RANBP10: variants seen among roughly 807,000 people sequenced by gnomAD.
The protein encoded by RANBP10 is ran-binding protein 10.
RANBP10 carries 24 observed loss-of-function variants against 72.8 expected under a neutral mutation model. The observed-to-expected ratio is 0.33, with a 90% CI of 0.24 to 0.46. RANBP10 has a LOEUF of 0.46. Ranked by LOEUF, RANBP10 falls within the 20% of genes least tolerant of loss-of-function variation. The pLI, the probability that RANBP10 is intolerant of heterozygous loss-of-function variation, is 1.00. For missense variants in RANBP10, 679 were observed against 817.5 expected, an observed-to-expected ratio of 0.83 and a Z score of 2.07; for synonymous variants, 310 against 322.3, an observed-to-expected ratio of 0.96 and a Z score of 0.41.
intron 2 of RANBP10, among the ~76,000 whole-genome samples, chr16:67,782,792 T>C (rs968582170): frequency 6.6e-6 from 1 of 152,224 alleles, no homozygotes; most frequent in African/African-American, 2.4e-5. Flanking sequence ...AAGCCACTTT[T>C]AAGAGCCATC....
At chr16:67,736,098 C>A (rs574390333) in intron 5 of RANBP10, among the ~76,000 whole-genome samples, 3 of 152,116 alleles carry the variant, frequency 2.0e-5, no homozygotes, top group Non-Finnish European at 4.4e-5. Context: ...TGCAGATGGT[C>A]TTCCCAGGGC....
chr16:67,764,456 G>GA (rs2054459113), intron 3 of RANBP10, among the ~76,000 whole-genome samples: 1 of 151,972 alleles, frequency 6.6e-6, no homozygotes, highest in Non-Finnish European at 1.5e-5. Context: ...CCAGAACAGA[G>GA]AAAAAAATAG....
chr16:67,787,136 G>T (rs771589896), intron 2 of RANBP10, among the ~76,000 whole-genome samples: 5 of 152,130 alleles, frequency 3.3e-5, no homozygotes, highest in Non-Finnish European at 1.5e-5. Context: ...CTACTCAGGA[G>T]GCTGAGGTGG....
chr16:67,736,120 C>G (rs1419260932), intron 5 of RANBP10, among the ~76,000 whole-genome samples: 1 of 152,098 alleles, frequency 6.6e-6, no homozygotes, highest in Non-Finnish European at 1.5e-5. Context: ...CTCAGTCCAC[C>G]CTTCACCTCC....
At chr16:67,758,685 T>C (rs762597979) in intron 3 of RANBP10, among the ~76,000 whole-genome samples, 10 of 152,250 alleles carry the variant, frequency 6.6e-5, no homozygotes, top group Admixed American at 1.3e-4. Context: ...GTTTCAGAAC[T>C]GGCCCTCTGC....
intron 3 of RANBP10, among the ~76,000 whole-genome samples, chr16:67,745,077 G>A (rs901237165): frequency 2.0e-4 from 30 of 151,890 alleles, no homozygotes; most frequent in African/African-American, 6.5e-4. Flanking sequence ...TGATCCGCCC[G>A]CCTCAGCCTC....
intron 2 of RANBP10, among the ~76,000 whole-genome samples, chr16:67,784,976 G>A (rs569041113): frequency 1.3e-5 from 2 of 151,688 alleles, no homozygotes; most frequent in South Asian, 2.1e-4. Flanking sequence ...TTGGGAGGCC[G>A]AGGCGGGCAG....
intron 3 of RANBP10, among the ~76,000 whole-genome samples, chr16:67,755,522 A>G (rs2054270163): frequency 6.6e-6 from 1 of 152,052 alleles, no homozygotes; most frequent in Non-Finnish European, 1.5e-5. Context: ...CTTCTCTACT[A>G]AACATACAAA....
chr16:67,782,597 C>T (rs780943947), intron 2 of RANBP10, among the ~76,000 whole-genome samples: 3 of 151,862 alleles, frequency 2.0e-5, no homozygotes, highest in Non-Finnish European at 2.9e-5. Flanking sequence ...GACTACAAGG[C>T]GTGCGCTACC....
At chr16:67,771,927 G>C (rs1436387394) in intron 3 of RANBP10, 107 bp downstream of exon 3, 2 of 1,294,506 alleles carry the variant, frequency 1.5e-6, no homozygotes, top group African/African-American at 3.0e-5. Context: ...GCTTGAGGTA[G>C]GCAGCTAGCA....
At chr16:67,756,384 C>T (rs1420240671) in intron 3 of RANBP10, among the ~76,000 whole-genome samples, 1 of 152,236 alleles carries the variant, frequency 6.6e-6, no homozygotes, top group African/African-American at 2.4e-5. Flanking sequence ...TGGTCCTGGC[C>T]CACGGCTGAC....
chr16:67,730,892 C>G lies in RANBP10; in HGVS notation c.889+580G>C, dbSNP rs546773890. On this transcript the variant is annotated intron_variant, in intron 7 of 13. Transcript: ENST00000317506. The surrounding 1 kb of genome is among the most constrained non-coding windows in gnomAD (Gnocchi z 4.3). ...GGCTCCTTTTCCTCTTTTCCAACAC[C>G]CCTCCTTCCGTGAAAGAGCCTCCAG... The G allele has an allele frequency of 6.5e-6, 1 of 154,334 alleles. No individual in the cohort carries two copies. The highest frequency in any genetic ancestry group is 1.4e-5 in the Non-Finnish European group (1 of 69,712). 9.6% of individuals were successfully genotyped at this position (154,334 alleles called of 1,614,324 possible).
In RANBP10 at chr16:67,729,853, G is replaced by A. The variant is rs377002955; in HGVS notation, c.999-25C>T. On this transcript the variant is annotated intron_variant, in intron 8 of 13. Coordinates refer to ENST00000317506, the MANE Select transcript of RANBP10 (RefSeq NM_020850.3). The surrounding 1 kb of genome is among the most constrained non-coding windows in gnomAD (Gnocchi z 7.1). ...CCTGTGGAGGGAGCGGAGCAATAAT[G>A]CTCTGGTTGTGGTCCAGGTTGACGT... is the stretch of plus-strand genomic sequence containing the variant. The A allele has an allele frequency of 8.7e-6, 14 of 1,613,520 alleles. No individual in the cohort carries two copies. Among genetic ancestry groups the A allele is most frequent in the Non-Finnish European group, 1.1e-5 (13 of 1,179,818 alleles).
chr16:67,786,018 A>T (rs1018187070), intron 2 of RANBP10, among the ~76,000 whole-genome samples: 5 of 142,812 alleles, frequency 3.5e-5, no homozygotes, highest in African/African-American at 5.2e-5. Context: ...AATAATAATT[A>T]AAAAAAAAAA....
chr16:67,790,004 G>A (rs769529637), intron 2 of RANBP10, among the ~76,000 whole-genome samples: 2 of 151,496 alleles, frequency 1.3e-5, no homozygotes. Flanking sequence ...GGCTGAGGCA[G>A]GAGAATTGCT....
chr16:67,727,583 G>A (rs2053630759), intron 12 of RANBP10, 145 bp from the exon 13 acceptor site: 3 of 1,322,666 alleles, frequency 2.3e-6, no homozygotes, highest in Admixed American at 2.1e-5. Context: ...ACTCTCCCCA[G>A]AGCCTAGGTG....
chr16:67,764,473 A>T (rs970684169), intron 3 of RANBP10, among the ~76,000 whole-genome samples: 1 of 152,134 alleles, frequency 6.6e-6, no homozygotes, highest in African/African-American at 2.4e-5. Flanking sequence ...ATAGTAATAA[A>T]ATGGCCATTG....
Position 67,729,415 on chromosome 16 carries a change from G to A in RANBP10, c.1217C>T (p.Pro406Leu). 1 of 1,613,910 alleles carries A rather than the reference G, an allele frequency of 6.2e-7. No individual in the cohort carries two copies. The highest frequency in any genetic ancestry group is 8.5e-7 in the Non-Finnish European group (1 of 1,180,004). ...TKSKQNHSKY[P>L]APSSSSSSSS... ...GGACGAGGATGAGGAGCTGGGTGCA[G>A]GGTATTTACTGTGGTTCTGTTTGCT... is the stretch of plus-strand genomic sequence containing the variant. Residue 406 changes from proline to leucine, a missense_variant, in exon 10 of 14, where the codon CCT (proline) becomes CTT (leucine). Transcript: ENST00000317506. The surrounding 1 kb of genome is among the most constrained non-coding windows in gnomAD (Gnocchi z 7.1).
chr16:67,774,210 G>A (rs898206226), intron 2 of RANBP10, among the ~76,000 whole-genome samples: 1 of 152,250 alleles, frequency 6.6e-6, no homozygotes, highest in Non-Finnish European at 1.5e-5. Flanking sequence ...CCTGTTCAGA[G>A]GGGCCTGGGG....
Sources: gnomAD v4.1 joint callset for allele counts (sites outside exome capture counted in the v4.1 genomes callset) on GRCh38, gnomAD v4.1.1 for gene constraint, Gnocchi (gnomAD v3.1) non-coding constraint, MANE v1.5 for transcripts, NCBI Gene and HGNC (gene_info 2026-07-23, HGNC 2026-07-21) for gene names.